The following GALNT14 variants were observed in gnomAD, a reference collection of about 807,000 sequenced individuals.
The protein encoded by GALNT14 is polypeptide N-acetylgalactosaminyltransferase 14.
A neutral mutation model predicts 77.5 loss-of-function variants in GALNT14; 60 were observed. The observed-to-expected ratio is 0.77, with a 90% CI of 0.63 to 0.96. The LOEUF is 0.96. GALNT14 is among the 40% of genes least tolerant of loss of function. The pLI is 0.00. For synonymous variants in GALNT14, 280 were observed against 281.7 expected (o/e 0.99, Z 0.06); for missense variants, 710 against 731.0 (o/e 0.97, Z 0.33).
At chr2:31,061,067 C>T (rs1425055851) in intron 1 of GALNT14, among the ~76,000 whole-genome samples, 1 of 152,186 alleles carries the variant, frequency 6.6e-6, no homozygotes, top group African/African-American at 2.4e-5. Flanking sequence ...ATCCCTGGAT[C>T]ATCCAGCCAC....
intron 2 of GALNT14, among the ~76,000 whole-genome samples, chr2:30,984,989 C>T (rs190906273): frequency 7.7e-4 from 117 of 152,316 alleles, no homozygotes; most frequent in Middle Eastern, 3.4e-3. Flanking sequence ...GCGCAATCCA[C>T]ATTTGAGCAT....
At chr2:31,091,198 G>C (rs1205056029) in intron 1 of GALNT14, among the ~76,000 whole-genome samples, 5 of 152,160 alleles carry the variant, frequency 3.3e-5, no homozygotes, top group Admixed American at 3.3e-4. Flanking sequence ...TGCAGGACAG[G>C]GGAGCTAGAA....
At chr2:31,091,882 C>T (rs971340641) in intron 1 of GALNT14, among the ~76,000 whole-genome samples, 2 of 152,118 alleles carry the variant, frequency 1.3e-5, no homozygotes, top group Non-Finnish European at 2.9e-5. Context: ...AGTCAATGCA[C>T]TGGGTGAGGC....
chr2:31,074,383 A>G (rs1305538877), intron 1 of GALNT14, among the ~76,000 whole-genome samples: 2 of 150,200 alleles, frequency 1.3e-5, no homozygotes, highest in East Asian at 1.9e-4. Context: ...CAGGGGTTCA[A>G]CAGCCCCCGT....
At chr2:31,087,524 G>GGAGAAGAGAGGAGAGGAGAGGAGAAGA (rs1245087202) in intron 1 of GALNT14, among the ~76,000 whole-genome samples, 2 of 151,186 alleles carry the variant, frequency 1.3e-5, no homozygotes, top group African/African-American at 2.4e-5. Flanking sequence ...GGAGAGGAGA[G>GGAGAAGAGAGGAGAGGAGAGGAGAAGA]GCGAGGAGAG....
chr2:31,100,983 T>C (rs142255669), intron 1 of GALNT14, among the ~76,000 whole-genome samples: 93 of 152,044 alleles, frequency 6.1e-4, no homozygotes, highest in African/African-American at 2.1e-3. Flanking sequence ...AAAAACAGAG[T>C]GGTTGCATGG....
intron 1 of GALNT14, among the ~76,000 whole-genome samples, chr2:31,105,942 C>T (rs933290072): frequency 1.3e-5 from 2 of 152,108 alleles, no homozygotes; most frequent in Admixed American, 6.5e-5. Flanking sequence ...GTAAAAAACA[C>T]GGTTCCTATT....
At chr2:31,116,044 A>G (rs1678090565) in intron 1 of GALNT14, among the ~76,000 whole-genome samples, 1 of 152,122 alleles carries the variant, frequency 6.6e-6, no homozygotes, top group South Asian at 2.1e-4. Flanking sequence ...TATTAGGATG[A>G]TAATGAATGG....
In GALNT14 at chr2:31,104,418, C is replaced by T. The variant is rs559517984; in HGVS notation, c.129+33540G>A. Among the ~76,000 whole-genome samples, 10 of 152,226 alleles carry T rather than the reference C, an allele frequency of 6.6e-5. No homozygotes were observed. The East Asian group carries it at 1.9e-3, about 29-fold the overall frequency. ...TCTAAATACTCCAGTGCATGCCTCC[C>T]AAAGACAAGGACCCTTCTCCTATAT... On this transcript the variant is annotated intron_variant, in intron 1 of 14. Transcript: ENST00000349752.
chr2:30,968,333 G>A (rs183682848), intron 2 of GALNT14, among the ~76,000 whole-genome samples: 1,899 of 152,326 alleles, frequency 0.012, 128 homozygotes, highest in Admixed American at 0.11. Context: ...CACTAACTGG[G>A]TTTTATGTCC....
intron 3 of GALNT14, among the ~76,000 whole-genome samples, chr2:30,962,541 T>C (rs1405697283): frequency 6.6e-6 from 1 of 152,210 alleles, no homozygotes; most frequent in Non-Finnish European, 1.5e-5. Context: ...GCAGACTCAC[T>C]GCATCAGGAG....
intron 1 of GALNT14, among the ~76,000 whole-genome samples, chr2:31,030,060 G>A (rs7605982): frequency 0.33 from 49,621 of 152,000 alleles, 8,275 homozygotes; most frequent in Admixed American, 0.45. Context: ...TATTATTTTC[G>A]TGTCTTCTAG....
the GALNT14 span, among the ~76,000 whole-genome samples, chr2:30,888,640 C>G: frequency 6.6e-6 from 1 of 151,602 alleles, no homozygotes; most frequent in African/African-American, 2.4e-5. Flanking sequence ...GTTGGGAGGC[C>G]GGGGGTGGGG....
intron 1 of GALNT14, among the ~76,000 whole-genome samples, chr2:31,083,861 C>T (rs1052292493): frequency 6.6e-6 from 1 of 152,178 alleles, no homozygotes; most frequent in Non-Finnish European, 1.5e-5. Context: ...TACTCCCGCT[C>T]ATGCTGCTGC....
intron 1 of GALNT14, among the ~76,000 whole-genome samples, chr2:31,066,954 T>C (rs1005926701): frequency 2.0e-5 from 3 of 151,820 alleles, no homozygotes; most frequent in Admixed American, 6.5e-5. Flanking sequence ...CACCCCGACA[T>C]TGCCCAGGGG....
intron 1 of GALNT14, among the ~76,000 whole-genome samples, chr2:31,006,590 T>A (rs144746090): frequency 4.6e-5 from 7 of 152,132 alleles, no homozygotes; most frequent in Non-Finnish European, 1.0e-4. Flanking sequence ...CCTGCCATGA[T>A]AGGGGATCAT....
At chr2:30,970,272 T>C (rs1026052172) in intron 2 of GALNT14, among the ~76,000 whole-genome samples, 1 of 151,830 alleles carries the variant, frequency 6.6e-6, no homozygotes, top group African/African-American at 2.4e-5. Flanking sequence ...TCAATGTGAG[T>C]GAAAAGAACC....
intron 1 of GALNT14, among the ~76,000 whole-genome samples, chr2:31,085,603 T>A (rs987465869): frequency 6.6e-6 from 1 of 152,218 alleles, no homozygotes; most frequent in Non-Finnish European, 1.5e-5. Context: ...CCACCACCTC[T>A]ATCACCCAGT....
At chr2:31,132,740 G>A (rs1486590153) in intron 1 of GALNT14, 3 of 470,824 alleles carry the variant, frequency 6.4e-6, no homozygotes, top group Non-Finnish European at 1.3e-5. Context: ...ACAGCCGTTT[G>A]CCAAAAGAAA....
Sources: allele counts gnomAD v4.1 joint callset (sites outside exome capture counted in the v4.1 genomes callset), GRCh38; gene constraint gnomAD v4.1.1; transcripts MANE v1.5; gene names NCBI Gene and HGNC (gene_info 2026-07-23, HGNC 2026-07-21).